The following MAML2 variants were observed in gnomAD, a reference collection of about 807,000 sequenced individuals.
The protein encoded by MAML2 is mastermind like transcriptional coactivator 2.
In MAML2, 22 loss-of-function variants were observed where a neutral mutation model predicts 96.1. The ratio of observed to expected loss-of-function variants is 0.23; its 90% CI spans 0.16 to 0.33. MAML2 has a LOEUF of 0.33. Ranked by LOEUF, MAML2 falls within the 10% of genes least tolerant of loss-of-function variation. MAML2 has a pLI of 1.00. For synonymous variants in MAML2, 561 were observed against 521.3 expected (o/e 1.08, Z -1.04); for missense variants, 1,367 against 1,392.4 (o/e 0.98, Z 0.29).
At chr11:96,153,596 G>C (rs577264546) in intron 1 of MAML2, among the ~76,000 whole-genome samples, 1 of 152,106 alleles carries the variant, frequency 6.6e-6, no homozygotes, top group African/African-American at 2.4e-5. Flanking sequence ...CTGTGTTTCA[G>C]TTGTCTCATC....
At chr11:96,018,808 T>G (rs1177119808) in intron 2 of MAML2, among the ~76,000 whole-genome samples, 1 of 152,158 alleles carries the variant, frequency 6.6e-6, no homozygotes, top group Non-Finnish European at 1.5e-5. Flanking sequence ...AGCCTGGTCT[T>G]GAACTCCTGA....
chr11:96,117,267 G>A (rs898886745), intron 1 of MAML2, among the ~76,000 whole-genome samples: 4 of 151,140 alleles, frequency 2.6e-5, no homozygotes, highest in Admixed American at 2.0e-4. Context: ...GACATACCCA[G>A]TATCTGTCAT....
intron 1 of MAML2, among the ~76,000 whole-genome samples, chr11:96,124,101 A>AAG (rs898700539): frequency 1.3e-5 from 2 of 150,960 alleles, no homozygotes; most frequent in Non-Finnish European, 3.0e-5. Flanking sequence ...TGTCTCAAAA[A>AAG]AAAAAAAAAA....
intron 2 of MAML2, among the ~76,000 whole-genome samples, chr11:96,054,284 T>A (rs1859030117): frequency 6.6e-6 from 1 of 152,228 alleles, no homozygotes; most frequent in Admixed American, 6.5e-5. Flanking sequence ...ACTATTAATT[T>A]GTGCCTTAAC....
At chr11:96,278,978 A>G (rs1229618101) in intron 1 of MAML2, among the ~76,000 whole-genome samples, 1 of 152,206 alleles carries the variant, frequency 6.6e-6, no homozygotes, top group African/African-American at 2.4e-5. Flanking sequence ...GGACTAGAAG[A>G]GATATTTAAG....
In MAML2 at chr11:96,092,049, T is replaced by C; in HGVS notation, c.1982A>G (p.Gln661Arg). ...CTGAGAAGATGGTTGTTGCTGCTGC[T>C]GCTGCTGCTGTTGTTGCTGTTGTTG... ...QQQQQQQQQQ[Q>R]QQQQPSSQPA... The change falls in exon 2 of 5, where the codon CAG (glutamine) becomes CGG (arginine). Residue 661 changes from glutamine (Q) to arginine (R), a missense_variant. Gln to Arg is a conservative substitution (Grantham distance 43). Coordinates refer to ENST00000524717, the MANE Select transcript of MAML2 (RefSeq NM_032427.4). This position sits in a 1 kb window ranked among gnomAD's most constrained non-coding sequence, Gnocchi z 4.1. The C allele has an allele frequency of 6.4e-7, 1 of 1,554,902 alleles. No homozygotes were observed. The highest frequency in any genetic ancestry group is 1.2e-5 in the South Asian group (1 of 84,310).
chr11:96,080,664 G>T lies in MAML2; in HGVS notation c.2139+11228C>A, dbSNP rs371371756. 6.6e-5 allele frequency among the ~76,000 whole-genome samples: 10 copies of T among 152,280 alleles called. No homozygotes were observed. In the East Asian group the frequency reaches 1.2e-3, roughly 18 times the overall value. On this transcript the variant is annotated intron_variant, in intron 2 of 4. Coordinates refer to ENST00000524717, the MANE Select transcript of MAML2 (RefSeq NM_032427.4). ...AGTTATTACATTTCTCATGCAGTTG[G>T]CATGGTTTGCCACATATAGGCAATG...
At chr11:96,337,561 A>C (rs926566948) in intron 1 of MAML2, among the ~76,000 whole-genome samples, 1 of 152,194 alleles carries the variant, frequency 6.6e-6, no homozygotes, top group African/African-American at 2.4e-5. Flanking sequence ...GATGCATTCA[A>C]AGACTCCAAA....
chr11:96,039,139 C>T (rs1158412694), intron 2 of MAML2, among the ~76,000 whole-genome samples: 2 of 152,084 alleles, frequency 1.3e-5, no homozygotes, highest in African/African-American at 4.8e-5. Flanking sequence ...CCTGTAGTCC[C>T]AGCTACTTGG....
At chr11:96,208,755 A>G (rs1189799312) in intron 1 of MAML2, among the ~76,000 whole-genome samples, 2 of 152,238 alleles carry the variant, frequency 1.3e-5, no homozygotes, top group Non-Finnish European at 2.9e-5. Context: ...CAGAAGGTCA[A>G]TTATTAAGCT....
At chr11:96,091,229 C>A (rs545646869) in intron 2 of MAML2, among the ~76,000 whole-genome samples, 1 of 152,150 alleles carries the variant, frequency 6.6e-6, no homozygotes, top group Non-Finnish European at 1.5e-5. Context: ...TTTCCAGAAG[C>A]CTTCCCTGAT....
chr11:96,210,557 A>C (rs1163436198), intron 1 of MAML2, among the ~76,000 whole-genome samples: 3 of 152,252 alleles, frequency 2.0e-5, no homozygotes, highest in African/African-American at 7.2e-5. Context: ...ATGTTCAAAC[A>C]GCTCTAAAAC....
intron 1 of MAML2, among the ~76,000 whole-genome samples, chr11:96,311,543 G>T (rs1387006206): frequency 6.6e-6 from 1 of 152,208 alleles, no homozygotes; most frequent in African/African-American, 2.4e-5. Context: ...GCGGTACCTA[G>T]ATAGGATTCT....
chr11:96,132,651 A>G (rs1860565157), intron 1 of MAML2, among the ~76,000 whole-genome samples: 1 of 152,232 alleles, frequency 6.6e-6, no homozygotes, highest in Non-Finnish European at 1.5e-5. Flanking sequence ...AGATGGATAT[A>G]GCGTGTTCTT....
At chr11:96,203,626 C>T (rs1049395115) in intron 1 of MAML2, among the ~76,000 whole-genome samples, 3 of 152,090 alleles carry the variant, frequency 2.0e-5, no homozygotes, top group Non-Finnish European at 4.4e-5. Flanking sequence ...TGCAAGAAGT[C>T]GCAAGTCACA....
chr11:96,264,202 T>G (rs908271590), intron 1 of MAML2, among the ~76,000 whole-genome samples: 2 of 152,260 alleles, frequency 1.3e-5, no homozygotes, highest in Admixed American at 1.3e-4. Context: ...GTCCGTAACT[T>G]TTGTAAAGCC....
intron 2 of MAML2, among the ~76,000 whole-genome samples, chr11:96,003,268 A>G (rs758750014): frequency 6.6e-6 from 1 of 152,112 alleles, no homozygotes; most frequent in Non-Finnish European, 1.5e-5. Flanking sequence ...CTGATGGAAT[A>G]AGAGTTCTAC....
intron 1 of MAML2, among the ~76,000 whole-genome samples, chr11:96,161,009 T>C (rs983532063): frequency 2.6e-5 from 4 of 152,216 alleles, no homozygotes; most frequent in African/African-American, 9.6e-5. Flanking sequence ...GGAGAGGCAC[T>C]GCACCTTTCC....
At chr11:96,315,818 A>G (rs1273595338) in intron 1 of MAML2, among the ~76,000 whole-genome samples, 1 of 152,212 alleles carries the variant, frequency 6.6e-6, no homozygotes. Context: ...GTGAGGAACT[A>G]TAGGGAAACC....
Sources: gnomAD v4.1 joint callset for allele counts (sites outside exome capture counted in the v4.1 genomes callset) on GRCh38, gnomAD v4.1.1 for gene constraint, Gnocchi (gnomAD v3.1) non-coding constraint, MANE v1.5 for transcripts, NCBI Gene and HGNC (gene_info 2026-07-23, HGNC 2026-07-21) for gene names.